The following ZNF148 variants were observed in gnomAD, a reference collection of about 807,000 sequenced individuals.
ZNF148 encodes the protein zinc finger protein 148.
Under a neutral mutation model 67.7 loss-of-function variants are expected in ZNF148, and 7 were observed. The ratio of observed to expected loss-of-function variants is 0.10; its 90% CI spans 0.06 to 0.19. The LOEUF (loss-of-function observed/expected upper bound fraction) is 0.19. Among genes scored for constraint, ZNF148 ranks in the 10% least tolerant of loss-of-function variants. The pLI, the probability that ZNF148 is intolerant of heterozygous loss-of-function variation, is 1.00. For synonymous variants in ZNF148, 333 were observed against 330.7 expected (o/e 1.01, Z -0.08); for missense variants, 583 against 947.1 (o/e 0.62, Z 5.05).
At chr3:125,334,710 T>C (rs1467351744) in intron 1 of ZNF148, among the ~76,000 whole-genome samples, 1 of 152,138 alleles carries the variant, frequency 6.6e-6, no homozygotes, top group Non-Finnish European at 1.5e-5. Context: ...AATACAAAAG[T>C]AGTAAGAGGC....
intron 1 of ZNF148, among the ~76,000 whole-genome samples, chr3:125,361,908 C>A (rs1201561561): frequency 6.6e-6 from 1 of 152,070 alleles, no homozygotes; most frequent in Non-Finnish European, 1.5e-5. Flanking sequence ...TCCACAACTA[C>A]TTTATGTTCT....
chr3:125,374,838 G>A (rs918647259), intron 1 of ZNF148, among the ~76,000 whole-genome samples: 1 of 151,232 alleles, frequency 6.6e-6, no homozygotes, highest in African/African-American at 2.4e-5. Flanking sequence ...CTCCAGCCTC[G>A]GAGGCCGCCT....
At chr3:125,255,175 C>T (rs1937014780) in intron 7 of ZNF148, among the ~76,000 whole-genome samples, 1 of 146,504 alleles carries the variant, frequency 6.8e-6, no homozygotes, top group South Asian at 2.2e-4. Flanking sequence ...TTATCAATGT[C>T]TGGTCTGTAA....
intron 1 of ZNF148, among the ~76,000 whole-genome samples, chr3:125,333,618 C>T (rs1251101434): frequency 6.6e-6 from 1 of 152,160 alleles, no homozygotes; most frequent in Non-Finnish European, 1.5e-5. Flanking sequence ...GACAACCACC[C>T]AAGTCAGTTC....
intron 5 of ZNF148, among the ~76,000 whole-genome samples, chr3:125,282,250 C>T (rs1403321805): frequency 6.6e-6 from 1 of 152,096 alleles, no homozygotes; most frequent in Non-Finnish European, 1.5e-5. Context: ...TTGCTCACAC[C>T]TTTTCAAGAT....
intron 2 of ZNF148, among the ~76,000 whole-genome samples, chr3:125,326,118 T>C (rs563296021): frequency 6.6e-6 from 1 of 152,298 alleles, no homozygotes; most frequent in East Asian, 1.9e-4. Context: ...TTTTTTTTGC[T>C]AGTAGACCTG....
At position 125,229,346 on chromosome 3, in the gene ZNF148, A is replaced by G. The variant is rs1935759887; in HGVS notation, c.*2995T>C. On this transcript the variant is annotated 3_prime_UTR_variant, in exon 9 of 9. Coordinates refer to ENST00000360647, the MANE Select transcript of ZNF148 (RefSeq NM_021964.3). ...TCCTGCCCTGAGCACAATTCTTGAC[A>G]TAACTGCCTTCTGCCTCTTGAGATA... is the stretch of plus-strand genomic sequence containing the variant. 1 of 152,044 alleles carries G rather than the reference A, an allele frequency of 6.6e-6. No individual in the cohort carries two copies. Among genetic ancestry groups the G allele is most frequent in the African/African-American group, 2.4e-5 (1 of 41,408 alleles). The allele number at this position is 152,044 out of a possible 1,614,324, so 9.4% of individuals were successfully genotyped here.
At position 125,232,461 on chromosome 3, in the gene ZNF148, C is replaced by T; in HGVS notation, c.2265G>A (p.Val755=). 6.2e-7 allele frequency: 1 copy of T among 1,613,658 alleles called. No individual in the cohort carries two copies. Among genetic ancestry groups the T allele is most frequent in the Non-Finnish European group, 8.5e-7 (1 of 1,179,754 alleles). Residue 755 remains valine (V), a synonymous_variant, in exon 9 of 9, where the codon GTG becomes GTA. Transcript: ENST00000360647. This position sits in a 1 kb window ranked among gnomAD's most constrained non-coding sequence, Gnocchi z 4.2. ...ATQFSTANGQ[V]NLRGPGTSAE... ...CACTTGTCCCTGGTCCCCGAAGGTT[C>T]ACCTGTCCATTGGCAGTGCTAAATT...
At chr3:125,294,020 A>G (rs1432873913) in intron 4 of ZNF148, among the ~76,000 whole-genome samples, 1 of 152,224 alleles carries the variant, frequency 6.6e-6, no homozygotes, top group Non-Finnish European at 1.5e-5. Flanking sequence ...TACTATCACC[A>G]GTTTTAAGAC....
At chr3:125,340,605 T>A (rs548813358) in intron 1 of ZNF148, among the ~76,000 whole-genome samples, 1 of 152,146 alleles carries the variant, frequency 6.6e-6, no homozygotes, top group East Asian at 1.9e-4. Flanking sequence ...CTGCAAAGTC[T>A]CTAAAAATTA....
At chr3:125,281,831 CTT>C (rs1938405619) in intron 5 of ZNF148, among the ~76,000 whole-genome samples, 1 of 152,120 alleles carries the variant, frequency 6.6e-6, no homozygotes, top group Non-Finnish European at 1.5e-5. Flanking sequence ...ATTTTCCTTA[CTT>C]TCTTTTTAGG....
rs78087643 is a variant in ZNF148, at chr3:125,315,954, T to C, written c.-16-2298A>G. The stretch of plus-strand genomic sequence containing the variant: ...TTGTGCTATCAAATAGTAGGTCTTA[T>C]TCATTTTTTCTATTTTTTTGTGTGT... On this transcript the variant is annotated intron_variant, in intron 3 of 8. Transcript: ENST00000360647. Among the ~76,000 whole-genome samples, 1,508 of 152,290 alleles carry C rather than the reference T, an allele frequency of 9.9e-3. 32 individuals carry two copies. The highest frequency in any genetic ancestry group is 0.034 in the African/African-American group (1,406 of 41,554).
chr3:125,243,712 G>A (rs751184141), intron 7 of ZNF148, among the ~76,000 whole-genome samples: 2 of 152,062 alleles, frequency 1.3e-5, no homozygotes, highest in Non-Finnish European at 2.9e-5. Context: ...TTTTTATAGA[G>A]ACAGGGTCTT....
chr3:125,247,278 T>C (rs774656192), intron 7 of ZNF148, among the ~76,000 whole-genome samples: 7 of 152,134 alleles, frequency 4.6e-5, no homozygotes, highest in African/African-American at 9.7e-5. Context: ...AAATAACAGA[T>C]TGGGGTCACT....
At chr3:125,260,175 A>G (rs1937272659) in intron 7 of ZNF148, among the ~76,000 whole-genome samples, 2 of 152,218 alleles carry the variant, frequency 1.3e-5, no homozygotes, top group South Asian at 4.1e-4. Context: ...CACAACAGGT[A>G]ATACTGAAAA....
chr3:125,346,206 A>G (rs1941935753), intron 1 of ZNF148, among the ~76,000 whole-genome samples: 1 of 152,254 alleles, frequency 6.6e-6, no homozygotes, highest in Non-Finnish European at 1.5e-5. Context: ...TCAATAGAAC[A>G]AAGTCCAAAA....
chr3:125,281,764 A>G (rs1172513197), intron 5 of ZNF148, among the ~76,000 whole-genome samples: 1 of 152,220 alleles, frequency 6.6e-6, no homozygotes, highest in African/African-American at 2.4e-5. Context: ...AACACACAGG[A>G]AAATCTAGCT....
At chr3:125,336,843 A>T (rs964980231) in intron 1 of ZNF148, among the ~76,000 whole-genome samples, 1 of 151,350 alleles carries the variant, frequency 6.6e-6, no homozygotes, top group African/African-American at 2.4e-5. Context: ...TGCTCAGCTA[A>T]TTTTTTGTAT....
intron 7 of ZNF148, among the ~76,000 whole-genome samples, chr3:125,265,541 G>C (rs920098223): frequency 6.6e-6 from 1 of 152,166 alleles, no homozygotes; most frequent in Non-Finnish European, 1.5e-5. Flanking sequence ...AGAACAGGTA[G>C]AGCACAACAA....
Sources: gnomAD v4.1 joint callset for allele counts (sites outside exome capture counted in the v4.1 genomes callset) on GRCh38, gnomAD v4.1.1 for gene constraint, Gnocchi (gnomAD v3.1) non-coding constraint, MANE v1.5 for transcripts, NCBI Gene and HGNC (gene_info 2026-07-23, HGNC 2026-07-21) for gene names.